The following LIPI variants were observed in gnomAD, a reference collection of about 807,000 sequenced individuals.
The protein encoded by LIPI is lipase I.
Under a neutral mutation model 50.6 loss-of-function variants are expected in LIPI, and 59 were observed. The observed-to-expected ratio is 1.16, with a 90% confidence interval of 0.94 to 1.45. LIPI has a LOEUF of 1.45. LIPI is among the 40% of genes most tolerant of loss of function. LIPI has a pLI of 0.00. For missense variants in LIPI, 586 were observed against 536.3 expected (o/e 1.09, Z -0.92); for synonymous variants, 203 against 178.2 (o/e 1.14, Z -1.11).
rs150761693 is a variant in LIPI, at chr21:14,118,278, C to T, written c.1296-9198G>A. Among the ~76,000 whole-genome samples, 573 of 152,066 alleles carry T rather than the reference C, an allele frequency of 3.8e-3. 4 individuals are homozygous for T. The highest frequency in any genetic ancestry group is 0.013 in the African/African-American group (528 of 41,492). ...GCCTATGGTCTCAATTGTAGTAGGG[C>T]GCTGAAAAATAGACTTTATGGTAGA... On this transcript the variant is annotated intron_variant, in intron 9 of 9. Transcript: ENST00000681601.
chr21:14,177,342 CT>C (rs1415643075), intron 4 of LIPI, among the ~76,000 whole-genome samples: 1 of 151,776 alleles, frequency 6.6e-6, no homozygotes, highest in African/African-American at 2.4e-5. Flanking sequence ...TTATATATGT[CT>C]TTAATAAATA....
At chr21:14,112,225 C>T (rs1029415658) in intron 9 of LIPI, among the ~76,000 whole-genome samples, 3 of 152,020 alleles carry the variant, frequency 2.0e-5, no homozygotes, top group Non-Finnish European at 2.9e-5. Context: ...TATTATACTA[C>T]TTTGGTTACT....
In LIPI at chr21:14,195,331, T is replaced by G. The variant is rs150531776; in HGVS notation, c.47-5912A>C. Among the ~76,000 whole-genome samples the G allele has an allele frequency of 1.6e-4, 24 of 152,180 alleles. No homozygotes were observed. In the East Asian group the frequency reaches 4.4e-3, roughly 28 times the overall value. On this transcript the variant is annotated intron_variant, in intron 1 of 9. Transcript: ENST00000681601. ...AGCTGAACAATTTTCGAGGTCACATTAGACTAGGAGAGATTGAAGTTGCAA... is the reference window on the plus strand; with the variant it reads ...AGCTGAACAATTTTCGAGGTCACATGAGACTAGGAGAGATTGAAGTTGCAA...
Position 14,163,426 on chromosome 21 carries a change from T to A in LIPI, c.999A>T (p.Pro333=). Residue 333 remains proline (P), a synonymous_variant, in exon 7 of 10, where the codon CCA becomes CCT. Transcript: ENST00000681601. The part of the protein sequence containing the change: ...TVFLDTSGTY[P]FCTYYFVLSI... ...AAATTGTTAATAACTTACTACAGAA[T>A]GGATATGTACCACTTGTATCCAAAA... 7.0e-7 allele frequency: 1 copy of A among 1,436,248 alleles called. No individual in the cohort carries two copies. The highest frequency in any genetic ancestry group is 9.8e-7 in the Non-Finnish European group (1 of 1,018,710). The allele number at this position is 1,436,248 out of a possible 1,614,324, so 89.0% of individuals were successfully genotyped here. A position where few individuals can be genotyped will look rare whatever the true frequency, so the allele number is the denominator to read the frequency against.
chr21:14,115,442 C>A (rs1466707788), intron 9 of LIPI, among the ~76,000 whole-genome samples: 2 of 152,156 alleles, frequency 1.3e-5, no homozygotes, highest in Admixed American at 1.3e-4. Context: ...CTTTTCTGGA[C>A]ACTAGTCCAA....
intron 9 of LIPI, among the ~76,000 whole-genome samples, chr21:14,130,803 C>G (rs78117642): frequency 7.5e-6 from 1 of 133,860 alleles, no homozygotes; most frequent in Admixed American, 7.7e-5. Context: ...CCTGCCCCAC[C>G]CAACACAGCC....
chr21:14,142,697 T>A (rs532502706), intron 9 of LIPI, among the ~76,000 whole-genome samples: 8 of 151,576 alleles, frequency 5.3e-5, no homozygotes, highest in African/African-American at 9.7e-5. Flanking sequence ...TTGCCCACGC[T>A]GGTCTCAAAC....
At chr21:14,189,694 C>T (rs1358124422) in intron 1 of LIPI, among the ~76,000 whole-genome samples, 3 of 151,696 alleles carry the variant, frequency 2.0e-5, no homozygotes, top group Admixed American at 1.3e-4. Context: ...TGGGTGTGAG[C>T]GAAAATAAGA....
chr21:14,188,949 G>T, intron 2 of LIPI, 85 bp downstream of exon 2: 1 of 1,100,858 alleles, frequency 9.1e-7, no homozygotes, highest in Non-Finnish European at 1.4e-6. Context: ...ATCACTTTGT[G>T]GTATTGAATG....
intron 1 of LIPI, among the ~76,000 whole-genome samples, chr21:14,195,082 A>G (rs530532641): frequency 3.2e-4 from 48 of 152,232 alleles, no homozygotes; most frequent in African/African-American, 1.1e-3. Flanking sequence ...AAAGGGCTCA[A>G]TTAATCAGAG....
intron 9 of LIPI, among the ~76,000 whole-genome samples, chr21:14,115,911 C>T (rs1468850197): frequency 6.6e-6 from 1 of 152,078 alleles, no homozygotes; most frequent in African/African-American, 2.4e-5. Flanking sequence ...TCCCCACTCA[C>T]ACTGGAAAAA....
At position 14,210,768 on chromosome 21, in the gene LIPI, A is replaced by C. The variant is rs533970685; in HGVS notation, c.46+32T>G. On this transcript the variant is annotated intron_variant, in intron 1 of 9. Transcript: ENST00000681601. Reference sequence around the variant, plus strand: ...CACACTATTTTATATGCAATTTTTAAAGATAAATCAAATTATTAATTAATA... The same window carrying C: ...CACACTATTTTATATGCAATTTTTACAGATAAATCAAATTATTAATTAATA... 1.1e-5 allele frequency: 10 copies of C among 942,822 alleles called. No individual in the cohort carries two copies. The African/African-American group carries it at 1.7e-4, about 16-fold the overall frequency. The allele number at this position is 942,822 out of a possible 1,614,324, so 58.4% of individuals were successfully genotyped here.
chr21:14,182,729 G>A (rs2019315698), intron 3 of LIPI, among the ~76,000 whole-genome samples: 1 of 147,550 alleles, frequency 6.8e-6, no homozygotes, highest in Non-Finnish European at 1.5e-5. Context: ...CAAACAAATG[G>A]CATTCACAGT....
chr21:14,176,584 A>G (rs1260715514), intron 4 of LIPI, among the ~76,000 whole-genome samples: 3 of 151,722 alleles, frequency 2.0e-5, no homozygotes, highest in Non-Finnish European at 4.4e-5. Context: ...TCAAAAATGT[A>G]TGGATTTTAG....
chr21:14,151,182 A>C (rs1278412733), intron 8 of LIPI, among the ~76,000 whole-genome samples: 1 of 152,118 alleles, frequency 6.6e-6, no homozygotes, highest in Non-Finnish European at 1.5e-5. Context: ...TGAAAGGTTT[A>C]CCTACTATTA....
chr21:14,180,505 T>G (rs962633389), intron 4 of LIPI, among the ~76,000 whole-genome samples: 3 of 152,112 alleles, frequency 2.0e-5, no homozygotes, highest in African/African-American at 7.2e-5. Flanking sequence ...TTATGGAAAA[T>G]AGAAAGAACC....
At chr21:14,146,425 G>C (rs1336588345) in intron 8 of LIPI, among the ~76,000 whole-genome samples, 1 of 152,090 alleles carries the variant, frequency 6.6e-6, no homozygotes, top group South Asian at 2.1e-4. Flanking sequence ...CAATCTATCA[G>C]AAATTTATAT....
At chr21:14,180,205 T>C (rs181597751) in intron 4 of LIPI, among the ~76,000 whole-genome samples, 2 of 152,254 alleles carry the variant, frequency 1.3e-5, no homozygotes, top group Admixed American at 6.5e-5. Flanking sequence ...AGTTCTCTGC[T>C]CTTGAACCCT....
intron 7 of LIPI, among the ~76,000 whole-genome samples, chr21:14,162,340 A>G (rs1301884440): frequency 1.3e-5 from 2 of 151,646 alleles, no homozygotes; most frequent in Admixed American, 6.6e-5. Context: ...TAAAGGCACA[A>G]CACAAAGATT....
Sources: gnomAD v4.1 joint callset for allele counts (sites outside exome capture counted in the v4.1 genomes callset) on GRCh38, gnomAD v4.1.1 for gene constraint, MANE v1.5 for transcripts, NCBI Gene and HGNC (gene_info 2026-07-23, HGNC 2026-07-21) for gene names.